The following NOL10 variants were observed in gnomAD, a reference collection of about 807,000 sequenced individuals.
The protein encoded by NOL10 is nucleolar protein 10.
NOL10 carries 58 observed loss-of-function variants against 103.5 expected under a neutral mutation model. That is an observed-to-expected ratio of 0.56 (90% CI 0.45 to 0.70). The LOEUF is 0.70. NOL10 is among the 30% of genes least tolerant of loss of function. The pLI is 0.00. For synonymous variants in NOL10, 287 were observed against 282.5 expected, an observed-to-expected ratio of 1.02 and a Z score of -0.16; for missense variants, 763 against 807.3, an observed-to-expected ratio of 0.95 and a Z score of 0.67.
intron 13 of NOL10, among the ~76,000 whole-genome samples, chr2:10,607,947 C>A (rs1361841947): frequency 1.3e-5 from 2 of 151,900 alleles, no homozygotes; most frequent in African/African-American, 4.8e-5. Context: ...TCATTTAATT[C>A]ATTTAACTCA....
At chr2:10,649,803 G>A (rs1263285113) in intron 12 of NOL10, among the ~76,000 whole-genome samples, 2 of 152,114 alleles carry the variant, frequency 1.3e-5, no homozygotes, top group Non-Finnish European at 2.9e-5. Flanking sequence ...AAGCCACATG[G>A]ACAATGTATA....
chr2:10,677,121 T>C (rs1681361488), intron 3 of NOL10, among the ~76,000 whole-genome samples: 1 of 151,950 alleles, frequency 6.6e-6, no homozygotes, highest in East Asian at 1.9e-4. Flanking sequence ...GTATTTTTAG[T>C]AGAGATGGGG....
Position 10,657,792 on chromosome 2 carries a change from G to C in NOL10, c.856C>G (p.Leu286Val), listed in dbSNP as rs1679941952. The change falls in exon 11 of 21, where the codon CTG becomes GTG. Residue 286 changes from leucine (L) to valine (V), a missense_variant. Coordinates refer to ENST00000381685, the MANE Select transcript of NOL10 (RefSeq NM_024894.4). The stretch of plus-strand genomic sequence containing the variant: ...ATTCGAGAGTCAGCAGACAAAATCA[G>C]ATCTAATGAATCCTGGAAATGAACG... ...KSVHFQDSLD[L>V]ILSADSRIVK... is the part of the protein sequence containing the mutation. The C allele has an allele frequency of 3.2e-6, 5 of 1,551,188 alleles. No individual in the cohort carries two copies. In the Admixed American group the frequency reaches 5.9e-5, roughly 18 times the overall value.
intron 13 of NOL10, among the ~76,000 whole-genome samples, chr2:10,636,674 T>C (rs1165517676): frequency 6.6e-6 from 1 of 151,922 alleles, no homozygotes; most frequent in Non-Finnish European, 1.5e-5. Flanking sequence ...CTTAAGACTT[T>C]GGAAAATTAT....
chr2:10,573,376 T>C (rs1056677065), intron 20 of NOL10, among the ~76,000 whole-genome samples: 1 of 152,130 alleles, frequency 6.6e-6, no homozygotes, highest in African/African-American at 2.4e-5. Flanking sequence ...GTATTTTTAG[T>C]AGAGATGGGG....
intron 13 of NOL10, among the ~76,000 whole-genome samples, chr2:10,620,012 G>C (rs567375678): frequency 6.6e-6 from 1 of 152,256 alleles, no homozygotes; most frequent in South Asian, 2.1e-4. Context: ...ATGCCCCAAG[G>C]ATGCTAAAGG....
chr2:10,664,785 T>C (rs560507388), intron 8 of NOL10, among the ~76,000 whole-genome samples: 36 of 152,254 alleles, frequency 2.4e-4, no homozygotes, highest in African/African-American at 8.2e-4. Context: ...TTCCACCCAC[T>C]CGCACTTCCA....
intron 20 of NOL10, among the ~76,000 whole-genome samples, chr2:10,574,712 AAG>A (rs1674364324): frequency 6.6e-6 from 1 of 152,122 alleles, no homozygotes; most frequent in Non-Finnish European, 1.5e-5. Flanking sequence ...ACAGATAAAC[AAG>A]GTGTGTGTGT....
At chr2:10,573,754 C>T (rs1331342251) in intron 20 of NOL10, among the ~76,000 whole-genome samples, 1 of 151,088 alleles carries the variant, frequency 6.6e-6, no homozygotes, top group Admixed American at 6.6e-5. Context: ...TATTACTATT[C>T]TTCAACTGTC....
chr2:10,666,341 C>T (rs1185660888), intron 8 of NOL10, among the ~76,000 whole-genome samples: 1 of 152,032 alleles, frequency 6.6e-6, no homozygotes, highest in Non-Finnish European at 1.5e-5. Context: ...AGAATGCTAT[C>T]TGTAAACTAT....
At position 10,571,406 on chromosome 2, in the gene NOL10, T is replaced by G. The variant is rs1674171278; in HGVS notation, c.*665A>C. ...TGTGAGTCAATTAAACCTCTTTTCT[T>G]TACTTATAAATTACCCAGTTTCAGG... On this transcript the variant is annotated 3_prime_UTR_variant, in exon 21 of 21. Transcript: ENST00000381685. 6.6e-6 allele frequency: 1 copy of G among 152,426 alleles called. No homozygotes were observed. Among genetic ancestry groups the G allele is most frequent in the Non-Finnish European group, 1.5e-5 (1 of 68,212 alleles). 9.4% of individuals were successfully genotyped at this position (152,426 alleles called of 1,614,324 possible).
At chr2:10,668,568 G>T in intron 7 of NOL10, 90 bp downstream of exon 7, 1 of 543,104 alleles carries the variant, frequency 1.8e-6, no homozygotes, top group Non-Finnish European at 3.2e-6. Context: ...TTGCTTAATT[G>T]CAATAGTTTA....
At chr2:10,634,719 G>C (rs1341506221) in intron 13 of NOL10, among the ~76,000 whole-genome samples, 1 of 152,146 alleles carries the variant, frequency 6.6e-6, no homozygotes, top group Admixed American at 6.5e-5. Flanking sequence ...AGGGGAGAGA[G>C]GCAAGATCCG....
At chr2:10,615,549 A>G (rs1185028579) in intron 13 of NOL10, among the ~76,000 whole-genome samples, 1 of 152,266 alleles carries the variant, frequency 6.6e-6, no homozygotes, top group Non-Finnish European at 1.5e-5. Flanking sequence ...TTTGGTTAAT[A>G]GTGGTACCCC....
At chr2:10,686,349 G>T (rs990305892) in intron 1 of NOL10, among the ~76,000 whole-genome samples, 2 of 152,198 alleles carry the variant, frequency 1.3e-5, no homozygotes, top group African/African-American at 4.8e-5. Flanking sequence ...TCCTACGGCA[G>T]GAGTGTGCCT....
intron 3 of NOL10, among the ~76,000 whole-genome samples, chr2:10,681,509 T>C (rs1056698775): frequency 6.6e-6 from 1 of 152,222 alleles, no homozygotes; most frequent in Non-Finnish European, 1.5e-5. Flanking sequence ...TGTATCTTGA[T>C]AGAGCTTTGA....
intron 12 of NOL10, among the ~76,000 whole-genome samples, chr2:10,654,148 A>G (rs889833499): frequency 1.3e-5 from 2 of 152,126 alleles, no homozygotes; most frequent in African/African-American, 4.8e-5. Context: ...CACTATTACT[A>G]ATCACATAAA....
At chr2:10,683,627 T>C (rs4669606) in intron 2 of NOL10, among the ~76,000 whole-genome samples, 44,937 of 152,036 alleles carry the variant, frequency 0.3, 6,942 homozygotes, top group South Asian at 0.48. Flanking sequence ...AGAACCTTGA[T>C]AGACAGGTAA....
chr2:10,635,611 C>T (rs562183838), intron 13 of NOL10, among the ~76,000 whole-genome samples: 6 of 152,194 alleles, frequency 3.9e-5, no homozygotes, highest in African/African-American at 1.4e-4. Context: ...TAGGAAGCCA[C>T]TGAACCCTGC....
Sources: gnomAD v4.1 joint callset for allele counts (sites outside exome capture counted in the v4.1 genomes callset) on GRCh38, gnomAD v4.1.1 for gene constraint, MANE v1.5 for transcripts, NCBI Gene and HGNC (gene_info 2026-07-23, HGNC 2026-07-21) for gene names.